BNC2: variants seen among roughly 807,000 people sequenced by gnomAD.
BNC2 encodes the protein basonuclin zinc finger protein 2.
A neutral mutation model predicts 76.3 loss-of-function variants in BNC2; 20 were observed. That is an observed-to-expected ratio of 0.26 (90% CI 0.18 to 0.38). The LOEUF (loss-of-function observed/expected upper bound fraction) is 0.38, where lower values mean the gene tolerates loss of function less well. BNC2 is among the 10% of genes least tolerant of loss of function. The pLI is 1.00. For synonymous variants in BNC2, 582 were observed against 514.8 expected, an observed-to-expected ratio of 1.13 and a Z score of -1.77; for missense variants, 1,382 against 1,399.8, an observed-to-expected ratio of 0.99 and a Z score of 0.20.
At chr9:16,502,571 CTTGGGG>C (rs1312000602) in intron 5 of BNC2, among the ~76,000 whole-genome samples, 1 of 151,906 alleles carries the variant, frequency 6.6e-6, no homozygotes. Flanking sequence ...CTTACTTCTT[CTTGGGG>C]TGAATGGCTT....
chr9:16,667,101 A>G (rs527251988), intron 3 of BNC2, among the ~76,000 whole-genome samples: 12 of 148,880 alleles, frequency 8.1e-5, no homozygotes, highest in South Asian at 2.1e-4. Flanking sequence ...ACACACACAC[A>G]CACACACGCA....
chr9:16,552,473 C>A, intron 5 of BNC2, 57 bp downstream of exon 5: 1 of 1,491,874 alleles, frequency 6.7e-7, no homozygotes, highest in South Asian at 1.2e-5. Context: ...AGGACTCTCA[C>A]CCTTCCCCAC....
chr9:16,854,659 G>A (rs1431304317), intron 1 of BNC2, among the ~76,000 whole-genome samples: 3 of 152,014 alleles, frequency 2.0e-5, no homozygotes, highest in African/African-American at 7.2e-5. Context: ...TGAAACGAGT[G>A]AAATGAGACT....
intron 3 of BNC2, among the ~76,000 whole-genome samples, chr9:16,715,843 G>A (rs1823983498): frequency 6.6e-6 from 1 of 152,026 alleles, no homozygotes; most frequent in Non-Finnish European, 1.5e-5. Context: ...CTACTCTAGA[G>A]TTTCTGGGAA....
chr9:16,452,699 C>A (rs1459552165), intron 5 of BNC2, among the ~76,000 whole-genome samples: 1 of 152,170 alleles, frequency 6.6e-6, no homozygotes, highest in African/African-American at 2.4e-5. Flanking sequence ...TGTGAGCCAC[C>A]ACGCCTGGCA....
chr9:16,861,105 G>A (rs542414586), intron 1 of BNC2, among the ~76,000 whole-genome samples: 3 of 151,056 alleles, frequency 2.0e-5, no homozygotes, highest in East Asian at 3.9e-4. Context: ...ATTTTGGGGG[G>A]TCAAGGAAAC....
At chr9:16,696,366 T>A (rs953320720) in intron 3 of BNC2, among the ~76,000 whole-genome samples, 1 of 152,214 alleles carries the variant, frequency 6.6e-6, no homozygotes, top group African/African-American at 2.4e-5. Flanking sequence ...TGCATACTGA[T>A]TTGGACTTTC....
In BNC2 at chr9:16,870,592, G is replaced by A. The variant is rs1819659122; in HGVS notation, c.3+54C>T. 2.5e-6 allele frequency: 4 copies of A among 1,600,852 alleles called. No homozygotes were observed. The Admixed American group carries it at 5.1e-5, about 20-fold the overall frequency. On this transcript the variant is annotated intron_variant, in intron 1 of 6. Coordinates refer to ENST00000380672, the MANE Select transcript of BNC2 (RefSeq NM_017637.6). ...GCCCCGGTGGCGCTCGGGCGCGGGG[G>A]TCATTTCTGAGGAAGTCTAGAATAA...
At chr9:16,533,523 G>T (rs1032233598) in intron 5 of BNC2, among the ~76,000 whole-genome samples, 1 of 152,102 alleles carries the variant, frequency 6.6e-6, no homozygotes, top group East Asian at 1.9e-4. Flanking sequence ...AAAATTTAGG[G>T]ATAAGTTACT....
intron 5 of BNC2, among the ~76,000 whole-genome samples, chr9:16,492,052 C>T (rs1020875932): frequency 1.3e-5 from 2 of 151,892 alleles, no homozygotes; most frequent in African/African-American, 4.8e-5. Context: ...TTATAAAAAC[C>T]AGTGAAATAC....
At chr9:16,574,076 C>A (rs548879688) in intron 4 of BNC2, among the ~76,000 whole-genome samples, 130 of 151,946 alleles carry the variant, frequency 8.6e-4, no homozygotes, top group Non-Finnish European at 7.7e-4. Context: ...CATATGGGGT[C>A]CTTACGACCC....
intron 3 of BNC2, among the ~76,000 whole-genome samples, chr9:16,718,103 T>C (rs1448758235): frequency 1.3e-5 from 2 of 152,192 alleles, no homozygotes; most frequent in African/African-American, 2.4e-5. Context: ...TAACACTTCA[T>C]TTTCATTACT....
Position 16,737,238 on chromosome 9 carries a change from C to CT in BNC2, c.129+1121dup, listed in dbSNP as rs559930240. On this transcript the variant is annotated intron_variant, in intron 2 of 6. Transcript: ENST00000380672. The stretch of plus-strand genomic sequence containing the variant: ...TCCCACCTCAGCCACCACACCTGGC[C>CT]TTTTTTTTTTTTTTTTTTTTTTTTC... 5.8e-3 allele frequency among the ~76,000 whole-genome samples: 533 copies of CT among 91,348 alleles called. 8 individuals carry two copies. The highest frequency in any genetic ancestry group is 0.054 in the Middle Eastern group (3 of 56). 59.9% of individuals were successfully genotyped at this position (91,348 alleles called of 152,430 possible). A position where few individuals can be genotyped will look rare whatever the true frequency, so the allele number is the denominator to read the frequency against.
intron 1 of BNC2, among the ~76,000 whole-genome samples, chr9:16,812,851 A>T (rs1373733393): frequency 1.3e-5 from 2 of 152,210 alleles, no homozygotes; most frequent in Non-Finnish European, 2.9e-5. Context: ...AACAAAACAC[A>T]CACTTAGTAG....
At chr9:16,509,709 G>C (rs999324145) in intron 5 of BNC2, among the ~76,000 whole-genome samples, 1 of 152,144 alleles carries the variant, frequency 6.6e-6, no homozygotes, top group African/African-American at 2.4e-5. Context: ...TTCTATTCAG[G>C]AAAGCAGGAA....
intron 1 of BNC2, among the ~76,000 whole-genome samples, chr9:16,754,529 T>C (rs766122022): frequency 2.0e-4 from 31 of 151,536 alleles, no homozygotes; most frequent in Non-Finnish European, 4.4e-4. Context: ...TTTCCAATTA[T>C]AGGTTCAGTT....
Position 16,662,339 on chromosome 9 carries a change from C to G in BNC2, c.330+65458G>C, listed in dbSNP as rs189346409. ...CTACTCTACACTAATTACACCACAT[C>G]GCCAATACTTTATTTAAATTCTAGG... On this transcript the variant is annotated intron_variant, in intron 3 of 6. Coordinates refer to ENST00000380672, the MANE Select transcript of BNC2 (RefSeq NM_017637.6). 1.5e-4 allele frequency among the ~76,000 whole-genome samples: 23 copies of G among 152,286 alleles called. 1 individual carries two copies. In the East Asian group the frequency reaches 4.2e-3, roughly 28 times the overall value.
chr9:16,620,716 T>C (rs1188848765), intron 3 of BNC2, among the ~76,000 whole-genome samples: 1 of 152,222 alleles, frequency 6.6e-6, no homozygotes. Flanking sequence ...AAACAGATTT[T>C]AAACTACATT....
chr9:16,807,748 T>A (rs948959743), intron 1 of BNC2, among the ~76,000 whole-genome samples: 6 of 152,208 alleles, frequency 3.9e-5, no homozygotes, highest in African/African-American at 1.4e-4. Context: ...GCTATTGTTA[T>A]CTAAAATATA....
Sources: gnomAD v4.1 joint callset for allele counts (sites outside exome capture counted in the v4.1 genomes callset) on GRCh38, gnomAD v4.1.1 for gene constraint, MANE v1.5 for transcripts, NCBI Gene and HGNC (gene_info 2026-07-23, HGNC 2026-07-21) for gene names.